The following CHST1 variants were observed in gnomAD, a reference collection of about 807,000 sequenced individuals.
CHST1 encodes the protein carbohydrate sulfotransferase 1, also known as Keratan sulfotransferase.
In CHST1, 10 loss-of-function variants were observed where a neutral mutation model predicts 22.5. The ratio of observed to expected loss-of-function variants is 0.44; its 90% CI spans 0.27 to 0.75. CHST1 has a LOEUF of 0.75. Among genes scored for constraint, CHST1 ranks in the 30% least tolerant of loss-of-function variants. CHST1 has a pLI of 0.15. For missense variants in CHST1, 439 were observed against 576.1 expected (o/e 0.76, Z 2.44); for synonymous variants, 267 against 264.5 (o/e 1.01, Z -0.09).
chr11:45,650,405 G>C lies in CHST1; in HGVS notation c.519C>G (p.Asp173Glu). 6.2e-7 allele frequency: 1 copy of C among 1,606,112 alleles called. No individual in the cohort carries two copies. The highest frequency in any genetic ancestry group is 8.5e-7 in the Non-Finnish European group (1 of 1,179,722). Residue 173 changes from aspartate to glutamate, a missense_variant, in exon 4 of 4, where the codon GAC becomes GAG. Physicochemically the swap from Asp to Glu is conservative, Grantham distance 45. Coordinates refer to ENST00000308064, the MANE Select transcript of CHST1 (RefSeq NM_003654.6). ...RPVCDPPGPA[D>E]LVLEEGDCVR... ...CACAGTCCCCCTCCTCCAGGACCAG[G>C]TCGGCTGGCCCCGGAGGGTCGCACA...
intron 1 of CHST1, among the ~76,000 whole-genome samples, chr11:45,656,175 C>T (rs1385690612): frequency 2.0e-5 from 3 of 152,230 alleles, no homozygotes; most frequent in African/African-American, 7.2e-5. Flanking sequence ...CAATCCCTCC[C>T]CTTAGAAATG....
chr11:45,656,107 T>A (rs533289101), intron 1 of CHST1, among the ~76,000 whole-genome samples: 1 of 152,374 alleles, frequency 6.6e-6, no homozygotes, highest in East Asian at 1.9e-4. Context: ...AGAAATCCCA[T>A]GAAACCCAGG....
rs578207278 is a variant in CHST1 at position 45,648,267 on chromosome 11, A to G, written c.*1421T>C. Among the ~76,000 whole-genome samples the G allele has an allele frequency of 3.3e-5, 5 of 152,264 alleles. No individual in the cohort carries two copies. In the South Asian group the frequency reaches 1.0e-3, roughly 32 times the overall value. On this transcript the variant is annotated 3_prime_UTR_variant, in exon 4 of 4. Coordinates refer to ENST00000308064, the MANE Select transcript of CHST1 (RefSeq NM_003654.6). ...AACTAAATGGGTAACATTTAGCACA[A>G]GAAGGGATTCCAGGATGTCATTCTT...
rs535372977 is a variant in CHST1, at chr11:45,648,077, G to A, written c.*1611C>T. On this transcript the variant is annotated 3_prime_UTR_variant, in exon 4 of 4. Transcript: ENST00000308064. The stretch of plus-strand genomic sequence containing the variant: ...CCTGCTAGATTGCCACGAAGGGAAG[G>A]GGAGGAAGCACAGCAGATTCTCTGC... 1.5e-4 allele frequency among the ~76,000 whole-genome samples: 23 copies of A among 152,266 alleles called. No individual in the cohort carries two copies. Among genetic ancestry groups the A allele is most frequent in the Non-Finnish European group, 2.5e-4 (17 of 68,024 alleles).
intron 1 of CHST1, among the ~76,000 whole-genome samples, chr11:45,659,249 C>T (rs147975182): frequency 1.3e-5 from 2 of 152,226 alleles, no homozygotes; most frequent in African/African-American, 2.4e-5. Context: ...TCTGTGGTGG[C>T]GCTAGGATTC....
At chr11:45,650,986 C>T (rs910668358) in intron 3 of CHST1, 21 bp from the exon 4 acceptor site, 3 of 1,490,256 alleles carry the variant, frequency 2.0e-6, no homozygotes, top group Admixed American at 2.3e-5. Context: ...AGGCGGCCAG[C>T]GGTCAGGTGC....
At chr11:45,658,656 G>A (rs1852091493) in intron 1 of CHST1, among the ~76,000 whole-genome samples, 1 of 152,170 alleles carries the variant, frequency 6.6e-6, no homozygotes. Context: ...CAAGGCCCCA[G>A]TGTGCCCAGC....
chr11:45,663,602 A>G (rs1852161914), intron 1 of CHST1, among the ~76,000 whole-genome samples: 1 of 152,152 alleles, frequency 6.6e-6, no homozygotes, highest in African/African-American at 2.4e-5. Context: ...GCACCTGGCC[A>G]TGATTTTGAA....
At chr11:45,659,366 G>A (rs1004284060) in intron 1 of CHST1, among the ~76,000 whole-genome samples, 13 of 152,068 alleles carry the variant, frequency 8.5e-5, no homozygotes, top group African/African-American at 9.7e-5. Context: ...AGGGAGCACC[G>A]GGGCCAAGGT....
In CHST1 at chr11:45,648,532, A is replaced by G. The variant is rs547578257; in HGVS notation, c.*1156T>C. Among the ~76,000 whole-genome samples the G allele has an allele frequency of 5.9e-5, 9 of 151,972 alleles. No homozygotes were observed. Among genetic ancestry groups the G allele is most frequent in the Non-Finnish European group, 5.9e-5 (4 of 67,954 alleles). ...ACCCCGTCTCTACTAAAATCCAAAA[A>G]AAAAAAAAAATAGCCAGGTGTGGCA... On this transcript the variant is annotated 3_prime_UTR_variant, in exon 4 of 4. Transcript: ENST00000308064.
intron 1 of CHST1, among the ~76,000 whole-genome samples, chr11:45,664,757 G>C (rs1017122775): frequency 2.0e-5 from 3 of 152,214 alleles, no homozygotes; most frequent in Non-Finnish European, 4.4e-5. Flanking sequence ...CCCCGCCTCC[G>C]GGTGCAGCTG....
chr11:45,652,248 G>A (rs1852007802), intron 2 of CHST1, among the ~76,000 whole-genome samples, 158 bp from the exon 3 acceptor site: 2 of 152,068 alleles, frequency 1.3e-5, no homozygotes. Context: ...CTGACTCAGC[G>A]CCCCAACCAA....
intron 3 of CHST1, chr11:45,651,606 GT>G (rs993866644): frequency 6.6e-6 from 1 of 152,254 alleles, no homozygotes; most frequent in African/African-American, 2.4e-5. Flanking sequence ...GTCTCTAAGA[GT>G]CTCTGGAGCA....
rs985680140 is a variant in CHST1, at chr11:45,648,285, T to C, written c.*1403A>G. Among the ~76,000 whole-genome samples, 2 of 151,996 alleles carry C rather than the reference T, an allele frequency of 1.3e-5. No homozygotes were observed. Among genetic ancestry groups the C allele is most frequent in the African/African-American group, 4.8e-5 (2 of 41,372 alleles). ...TAGCACAAGAAGGGATTCCAGGATG[T>C]CATTCTTACCTCCAGCTACTCTGAT... On this transcript the variant is annotated 3_prime_UTR_variant, in exon 4 of 4. Transcript: ENST00000308064.
In CHST1 at chr11:45,649,396, T is replaced by C; in HGVS notation, c.*292A>G. On this transcript the variant is annotated 3_prime_UTR_variant, in exon 4 of 4. Transcript: ENST00000308064. ...TGCGTGTGTGGATGTGTAAATGTGG[T>C]GCTTGTAAACATTGTCACCGTCCGC... The C allele has an allele frequency of 4.8e-6, 2 of 416,344 alleles. No individual in the cohort carries two copies. Among genetic ancestry groups the C allele is most frequent in the Admixed American group, 8.5e-5 (2 of 23,622 alleles). The allele number at this position is 416,344 out of a possible 1,614,324, so 25.8% of individuals were successfully genotyped here.
At chr11:45,653,279 G>A (rs903975946) in intron 1 of CHST1, among the ~76,000 whole-genome samples, 6 of 152,086 alleles carry the variant, frequency 3.9e-5, no homozygotes, top group African/African-American at 1.4e-4. Context: ...TGTTCAGATG[G>A]AGAAATCAAG....
chr11:45,657,283 A>G (rs1852074193), intron 1 of CHST1, among the ~76,000 whole-genome samples: 1 of 144,298 alleles, frequency 6.9e-6, no homozygotes. Flanking sequence ...TTTTCTTCCT[A>G]AGGAAAATGA....
chr11:45,653,253 G>A (rs568686000), intron 1 of CHST1, among the ~76,000 whole-genome samples: 1 of 152,222 alleles, frequency 6.6e-6, no homozygotes, highest in South Asian at 2.1e-4. Context: ...TCGGAGGTCA[G>A]GGTCCTCACT....
At chr11:45,664,731 A>C (rs2120351882) in intron 1 of CHST1, among the ~76,000 whole-genome samples, 1 of 152,214 alleles carries the variant, frequency 6.6e-6, no homozygotes, top group South Asian at 2.1e-4. Context: ...TGGGAGCAGG[A>C]AGCAGGGAGC....
Sources: allele counts gnomAD v4.1 joint callset (sites outside exome capture counted in the v4.1 genomes callset), GRCh38; gene constraint gnomAD v4.1.1; transcripts MANE v1.5; gene names NCBI Gene and HGNC (gene_info 2026-07-23, HGNC 2026-07-21).